PCNX2: variants seen among roughly 807,000 people sequenced by gnomAD.
PCNX2 encodes pecanex 2, also known as pecanex-like protein 2.
Under a neutral mutation model 223.8 loss-of-function variants are expected in PCNX2, and 168 were observed. That is an observed-to-expected ratio of 0.75 (90% CI 0.66 to 0.85). The LOEUF is 0.85. Among genes scored for constraint, PCNX2 ranks in the 40% least tolerant of loss-of-function variants. PCNX2 has a pLI of 0.00. For missense variants in PCNX2, 2,507 were observed against 2,675.5 expected (o/e 0.94, Z 1.39); for synonymous variants, 1,006 against 1,052.6 (o/e 0.96, Z 0.86).
At chr1:233,150,322 A>G (rs1304839416) in intron 19 of PCNX2, among the ~76,000 whole-genome samples, 1 of 152,204 alleles carries the variant, frequency 6.6e-6, no homozygotes, top group East Asian at 1.9e-4. Context: ...TCATTTTCTC[A>G]GAATATCTAC....
Position 233,261,915 on chromosome 1 carries a change from T to C in PCNX2, c.480+130A>G, listed in dbSNP as rs896727185. 25 of 1,383,722 alleles carry C rather than the reference T, an allele frequency of 1.8e-5. No homozygotes were observed. The East Asian group carries it at 5.5e-4, about 30-fold the overall frequency. 85.7% of individuals were successfully genotyped at this position (1,383,722 alleles called of 1,614,324 possible). ...GCCATTTCCAGACCCTGGGATGTGATATTCCACTGTACACGGGCCAGTGAT... is the reference window on the plus strand; with the variant it reads ...GCCATTTCCAGACCCTGGGATGTGACATTCCACTGTACACGGGCCAGTGAT... On this transcript the variant is annotated intron_variant, in intron 3 of 33. Transcript: ENST00000258229.
rs572867038 is a variant in PCNX2 at position 233,098,820 on chromosome 1, T to G, written c.3838-2957A>C. Among the ~76,000 whole-genome samples the G allele has an allele frequency of 2.0e-4, 30 of 152,294 alleles. 1 individual carries two copies. The South Asian group carries it at 4.1e-3, about 21-fold the overall frequency. On this transcript the variant is annotated intron_variant, in intron 21 of 33. Transcript: ENST00000258229. ...CCACCTCTACCTCTGGTCATATATT[T>G]CTGGATCTATAAAATGGCGATGATA...
At chr1:233,236,032 A>G (rs1658390687) in intron 9 of PCNX2, among the ~76,000 whole-genome samples, 2 of 149,414 alleles carry the variant, frequency 1.3e-5, no homozygotes, top group South Asian at 4.2e-4. Flanking sequence ...ATGAACTGAA[A>G]CATTTCCAGG....
chr1:233,144,857 C>A (rs1677331240), intron 19 of PCNX2, among the ~76,000 whole-genome samples: 2 of 151,138 alleles, frequency 1.3e-5, no homozygotes, highest in Non-Finnish European at 2.9e-5. Flanking sequence ...TTAATAGTAT[C>A]TTTTATAAAA....
intron 23 of PCNX2, among the ~76,000 whole-genome samples, chr1:233,080,745 C>G (rs72762099): frequency 6.6e-6 from 1 of 152,068 alleles, no homozygotes; most frequent in East Asian, 1.9e-4. Context: ...CTAATACCAT[C>G]GCACTGTGGG....
intron 23 of PCNX2, among the ~76,000 whole-genome samples, chr1:233,084,636 T>C (rs1181263861): frequency 1.3e-5 from 2 of 152,204 alleles, no homozygotes; most frequent in African/African-American, 4.8e-5. Context: ...GTCAACTCCT[T>C]TAGAACAAAG....
chr1:233,111,128 T>C lies in PCNX2; in HGVS notation c.3838-15265A>G, dbSNP rs376696308. Among the ~76,000 whole-genome samples the C allele has an allele frequency of 3.9e-5, 6 of 152,244 alleles. No individual in the cohort carries two copies. The East Asian group carries it at 1.2e-3, about 29-fold the overall frequency. On this transcript the variant is annotated intron_variant, in intron 21 of 33. Coordinates refer to ENST00000258229, the MANE Select transcript of PCNX2 (RefSeq NM_014801.4). The stretch of plus-strand genomic sequence containing the variant: ...ATATCATTTTTTATCACACGGAAAG[T>C]CGTACAGAATCTTGGCAGCAAGAAT...
chr1:233,149,661 T>C (rs1366283371), intron 19 of PCNX2, among the ~76,000 whole-genome samples: 1 of 152,188 alleles, frequency 6.6e-6, no homozygotes, highest in African/African-American at 2.4e-5. Context: ...CACTAACATG[T>C]ACACATGTTG....
chr1:233,128,979 G>A (rs866566572), intron 21 of PCNX2, among the ~76,000 whole-genome samples: 6 of 152,312 alleles, frequency 3.9e-5, no homozygotes, highest in East Asian at 3.9e-4. Context: ...GGCAGCCCTC[G>A]CTCACTCTTG....
intron 1 of PCNX2, among the ~76,000 whole-genome samples, chr1:233,271,259 A>G (rs1418090865): frequency 1.3e-5 from 2 of 152,240 alleles, no homozygotes; most frequent in Non-Finnish European, 2.9e-5. Context: ...AAAATTAAAA[A>G]TGAAAATTAA....
intron 15 of PCNX2, among the ~76,000 whole-genome samples, chr1:233,187,201 A>G (rs1450050745): frequency 6.6e-6 from 1 of 151,082 alleles, no homozygotes; most frequent in Non-Finnish European, 1.5e-5. Flanking sequence ...CATCGAAGGT[A>G]AAAGTATTGC....
At chr1:233,313,139 A>G in the PCNX2 span, among the ~76,000 whole-genome samples, 1 of 152,364 alleles carries the variant, frequency 6.6e-6, no homozygotes, top group East Asian at 1.9e-4. Context: ...TGTTTATATG[A>G]AATTAGAAAA....
At chr1:233,302,148 C>G in the PCNX2 span, among the ~76,000 whole-genome samples, 5 of 152,112 alleles carry the variant, frequency 3.3e-5, no homozygotes, top group Non-Finnish European at 7.4e-5. Context: ...TCCAGGACAA[C>G]AGTTCACAAA....
intron 19 of PCNX2, among the ~76,000 whole-genome samples, chr1:233,159,199 G>C (rs1372473961): frequency 3.3e-5 from 5 of 152,104 alleles, no homozygotes; most frequent in Non-Finnish European, 7.4e-5. Flanking sequence ...TTTCTCCACT[G>C]AACAAGCCAG....
intron 19 of PCNX2, among the ~76,000 whole-genome samples, chr1:233,144,335 C>T (rs935454973): frequency 1.3e-5 from 2 of 152,120 alleles, no homozygotes; most frequent in Non-Finnish European, 2.9e-5. Context: ...TTTAAGTTTA[C>T]TTCAGTCAGG....
chr1:233,283,390 A>ATTTGG (rs1661286551), intron 1 of PCNX2, among the ~76,000 whole-genome samples: 1 of 152,234 alleles, frequency 6.6e-6, no homozygotes, highest in African/African-American at 2.4e-5. Context: ...TCCAAATGTA[A>ATTTGG]TTCCCCACCA....
At chr1:233,259,913 T>A (rs1016287096) in intron 4 of PCNX2, 3 of 686,584 alleles carry the variant, frequency 4.4e-6, no homozygotes, top group Admixed American at 6.3e-5. Flanking sequence ...ATAACAACTA[T>A]ATATATAGCA....
At chr1:233,160,182 C>A (rs1224867960) in intron 19 of PCNX2, 101 bp downstream of exon 19, 9 of 1,300,230 alleles carry the variant, frequency 6.9e-6, no homozygotes, top group Non-Finnish European at 8.6e-6. Flanking sequence ...GTGTACAGTT[C>A]TGTGGCATTA....
the PCNX2 span, among the ~76,000 whole-genome samples, chr1:233,305,747 G>A: frequency 2.0e-5 from 3 of 152,152 alleles, no homozygotes; most frequent in Non-Finnish European, 2.9e-5. Context: ...GAGCCATTAT[G>A]CCCAGCCTAG....
Sources: allele counts gnomAD v4.1 joint callset (sites outside exome capture counted in the v4.1 genomes callset), GRCh38; gene constraint gnomAD v4.1.1; transcripts MANE v1.5; gene names NCBI Gene and HGNC (gene_info 2026-07-23, HGNC 2026-07-21).